Variants in TTC3 observed in about 807,000 individuals in gnomAD.
TTC3 encodes E3 ubiquitin-protein ligase TTC3.
A neutral mutation model predicts 249.6 loss-of-function variants in TTC3; 180 were observed. The observed-to-expected ratio is 0.72, with a 90% confidence interval of 0.64 to 0.82. The LOEUF (loss-of-function observed/expected upper bound fraction) is 0.82, where lower values mean the gene tolerates loss of function less well. TTC3 is among the 40% of genes least tolerant of loss of function. TTC3 has a pLI of 0.00. For synonymous variants in TTC3, 717 were observed against 805.0 expected (o/e 0.89, Z 1.85); for missense variants, 2,061 against 2,398.4 (o/e 0.86, Z 2.94).
At chr21:37,096,824 A>G (rs2073992315) in intron 10 of TTC3, 181 bp downstream of exon 10, 2 of 526,862 alleles carry the variant, frequency 3.8e-6, no homozygotes, top group Non-Finnish European at 6.7e-6. Flanking sequence ...AGCAGCAGCT[A>G]TTCTGATTGA....
chr21:37,078,487 A>G (rs944416038), intron 1 of TTC3, among the ~76,000 whole-genome samples: 1 of 152,124 alleles, frequency 6.6e-6, no homozygotes, highest in Admixed American at 6.5e-5. Flanking sequence ...AATATTCTCC[A>G]TAGAGGTCTT....
chr21:37,178,016 T>C (rs190952109), intron 35 of TTC3, among the ~76,000 whole-genome samples: 9 of 152,340 alleles, frequency 5.9e-5, no homozygotes, highest in Admixed American at 3.9e-4. Flanking sequence ...ACTGATTTAC[T>C]CTCTAGATTT....
At chr21:37,179,493 C>T (rs1344089996) in intron 35 of TTC3, among the ~76,000 whole-genome samples, 1 of 152,124 alleles carries the variant, frequency 6.6e-6, no homozygotes. Context: ...TTCTCTTATT[C>T]TTTTGTTACT....
chr21:37,185,804 T>C, intron 37 of TTC3, 30 bp downstream of exon 37: 1 of 1,397,484 alleles, frequency 7.2e-7, no homozygotes, highest in Non-Finnish European at 9.6e-7. Flanking sequence ...ATTTTTAATA[T>C]ATTTTAATAC....
chr21:37,092,568 G>A (rs2073412939), intron 7 of TTC3, among the ~76,000 whole-genome samples: 1 of 152,196 alleles, frequency 6.6e-6, no homozygotes, highest in Non-Finnish European at 1.5e-5. Flanking sequence ...GAGAGGTTAA[G>A]TGTTGTTTCT....
chr21:37,147,360 G>A, intron 21 of TTC3, 121 bp from the exon 22 acceptor site: 1 of 911,840 alleles, frequency 1.1e-6, no homozygotes, highest in Non-Finnish European at 1.5e-6. Context: ...TGTTGTTGGT[G>A]AAAAAATTTA....
intron 1 of TTC3, chr21:37,081,505 C>G (rs949497217): frequency 6.6e-6 from 1 of 152,138 alleles, no homozygotes; most frequent in African/African-American, 2.4e-5. Flanking sequence ...ACTTCTAAGT[C>G]TAGATAGAGA....
chr21:37,192,107 C>CA lies in TTC3; in HGVS notation c.5116-4dup, dbSNP rs1429572369. On this transcript the variant is annotated splice_region_variant and splice_polypyrimidine_tract_variant and intron_variant, in intron 40 of 45. Coordinates refer to ENST00000355666, the Ensembl canonical transcript of TTC3. ...GTTTTCCCACACTTTACTTTCTACT[C>CA]ACAGTCTCAGTTTGAAGAACAAATT... 3.8e-6 allele frequency: 6 copies of CA among 1,578,064 alleles called. No homozygotes were observed. Among genetic ancestry groups the CA allele is most frequent in the Non-Finnish European group, 5.2e-6 (6 of 1,158,970 alleles).
intron 21 of TTC3, among the ~76,000 whole-genome samples, chr21:37,144,942 C>T (rs572405346): frequency 5.9e-5 from 9 of 152,320 alleles, no homozygotes; most frequent in Admixed American, 3.9e-4. Context: ...ATGATGCACT[C>T]AAGGTGAAAC....
At chr21:37,105,578 G>T (rs2075002398) in intron 10 of TTC3, among the ~76,000 whole-genome samples, 1 of 152,130 alleles carries the variant, frequency 6.6e-6, no homozygotes, top group Non-Finnish European at 1.5e-5. Context: ...GGAATTTTCA[G>T]AAGTCAAACA....
chr21:37,182,914 G>A lies in TTC3; in HGVS notation c.4757+1G>A, dbSNP rs752579066. On this transcript the variant is annotated splice_donor_variant, in intron 36 of 45. Transcript: ENST00000355666. LOFTEE classifies it high-confidence loss of function. The stretch of plus-strand genomic sequence containing the variant: ...AAAAGGTTTCAAATGCCAGTGAAAT[G>A]TAAGTAATGATTGAAAGGCAGTAAT... 4.5e-6 allele frequency: 7 copies of A among 1,553,200 alleles called. No homozygotes were observed. Among genetic ancestry groups the A allele is most frequent in the Non-Finnish European group, 6.0e-6 (7 of 1,157,150 alleles).
At chr21:37,076,824 T>A (rs1449420292) in intron 1 of TTC3, among the ~76,000 whole-genome samples, 1 of 148,572 alleles carries the variant, frequency 6.7e-6, no homozygotes, top group East Asian at 2.0e-4. Flanking sequence ...TGCCTCAGCC[T>A]CTGAGTAGCT....
chr21:37,097,585 C>T (rs536222762), intron 10 of TTC3, among the ~76,000 whole-genome samples: 3 of 152,252 alleles, frequency 2.0e-5, no homozygotes, highest in Admixed American at 2.0e-4. Context: ...TTCTCATTGT[C>T]CATAAAGAAA....
intron 1 of TTC3, chr21:37,083,489 C>G: frequency 1.3e-6 from 1 of 776,500 alleles, no homozygotes; most frequent in South Asian, 5.9e-5. Context: ...GGCAGTGGCA[C>G]TGGGCATGAA....
chr21:37,197,769 G>T, intron 43 of TTC3, 73 bp downstream of exon 43: 1 of 1,147,200 alleles, frequency 8.7e-7, no homozygotes. Flanking sequence ...AAAAAAAAAA[G>T]CTTCAAACCA....
rs141618903 is a variant in TTC3, at chr21:37,104,588, C to CAAAAAAAAAAAAAAAAAAAAA, written c.846-3803_846-3783dup. Among the ~76,000 whole-genome samples the CAAAAAAAAAAAAAAAAAAAAA allele has an allele frequency of 9.8e-4, 102 of 104,260 alleles. 1 individual carries two copies. Among genetic ancestry groups the CAAAAAAAAAAAAAAAAAAAAA allele is most frequent in the Non-Finnish European group, 1.5e-3 (76 of 52,348 alleles). 68.4% of individuals were successfully genotyped at this position (104,260 alleles called of 152,430 possible). ...CTCGGCGACGAGCAAAACTCCGTCT[C>CAAAAAAAAAAAAAAAAAAAAA]AAAAAAAAAAAAAAAAAAAAAGAAA... On this transcript the variant is annotated intron_variant, in intron 10 of 45. Coordinates refer to ENST00000355666, the Ensembl canonical transcript of TTC3.
chr21:37,190,099 G>A (rs555210336), intron 39 of TTC3, among the ~76,000 whole-genome samples: 42 of 149,096 alleles, frequency 2.8e-4, no homozygotes, highest in African/African-American at 7.7e-4. Flanking sequence ...TGTGAATCAC[G>A]GACAGTTTTA....
At chr21:37,125,269 A>G (rs2076960829) in intron 14 of TTC3, among the ~76,000 whole-genome samples, 1 of 152,230 alleles carries the variant, frequency 6.6e-6, no homozygotes, top group African/African-American at 2.4e-5. Flanking sequence ...TGCTTCCGAA[A>G]TGAACTCTAC....
At chr21:37,081,410 C>A (rs990892956) in intron 1 of TTC3, among the ~76,000 whole-genome samples, 1 of 151,988 alleles carries the variant, frequency 6.6e-6, no homozygotes, top group Non-Finnish European at 1.5e-5. Context: ...GCCACTGCAC[C>A]CAGCCTATTT....
Sources: gnomAD v4.1 joint callset for allele counts (sites outside exome capture counted in the v4.1 genomes callset) on GRCh38, gnomAD v4.1.1 for gene constraint, MANE v1.5 for transcripts, NCBI Gene and HGNC (gene_info 2026-07-23, HGNC 2026-07-21) for gene names.